CHAF1A: variants seen among roughly 807,000 people sequenced by gnomAD.
CHAF1A encodes the protein CAF-1 subunit A.
Under a neutral mutation model 93.2 loss-of-function variants are expected in CHAF1A, and 5 were observed. That is an observed-to-expected ratio of 0.05 (90% CI 0.03 to 0.11). The LOEUF is 0.11. CHAF1A is among the 10% of genes least tolerant of loss of function. CHAF1A has a pLI of 1.00. For missense variants in CHAF1A, 1,102 were observed against 1,259.9 expected (o/e 0.87, Z 1.90); for synonymous variants, 504 against 510.3 (o/e 0.99, Z 0.17).
intron 13 of CHAF1A, among the ~76,000 whole-genome samples, chr19:4,436,551 C>T (rs570693367): frequency 4.6e-4 from 70 of 152,280 alleles, no homozygotes; most frequent in African/African-American, 1.5e-3. Flanking sequence ...TAGAGGGAAC[C>T]GGAGCTCCCC....
chr19:4,413,857 GT>G (rs1973851927), intron 3 of CHAF1A, among the ~76,000 whole-genome samples: 2 of 152,128 alleles, frequency 1.3e-5, no homozygotes, highest in Admixed American at 1.3e-4. Context: ...TACTCCCAGG[GT>G]CCTTTGAATA....
chr19:4,445,359 C>A (rs1261044217), downstream of CHAF1A: 10 of 1,429,816 alleles, frequency 7.0e-6, no homozygotes, highest in African/African-American at 1.4e-5. Context: ...TCCACAGCTC[C>A]ACGGCTGGCG....
In CHAF1A at chr19:4,429,430, C is replaced by T; in HGVS notation, c.1605-8C>T. The T allele has an allele frequency of 6.2e-7, 1 of 1,612,722 alleles. No homozygotes were observed. Among genetic ancestry groups the T allele is most frequent in the Non-Finnish European group, 8.5e-7 (1 of 1,179,464 alleles). On this transcript the variant is annotated splice_polypyrimidine_tract_variant and splice_region_variant and intron_variant, in intron 8 of 14. Transcript: ENST00000301280. ...GCGTGATCCTGAGCCTGGGGTTTTC[C>T]TTCTCAGTGATGTCGTCATCGTGGA...
In CHAF1A at chr19:4,442,959, T is replaced by C. The variant is rs1568185427; in HGVS notation, c.2805T>C (p.Ala935=). ...VQAPCGAASG[A]GGGVGVDTGK... ...CCCCGTGTGGAGCCGCTTCCGGAGC[T>C]GGGGGTGGTGTGGGGGTGGACACCG... The change falls in exon 15 of 15, where the codon GCT becomes GCC. Residue 935 remains alanine (A), a synonymous_variant. Transcript: ENST00000301280. 12 of 1,604,544 alleles carry C rather than the reference T, an allele frequency of 7.5e-6. No individual in the cohort carries two copies. Among genetic ancestry groups the C allele is most frequent in the Non-Finnish European group, 1.0e-5 (12 of 1,176,316 alleles).
chr19:4,412,022 T>G (rs767742309), intron 3 of CHAF1A, among the ~76,000 whole-genome samples: 4 of 152,144 alleles, frequency 2.6e-5, no homozygotes, highest in Non-Finnish European at 5.9e-5. Context: ...TACAGATTAT[T>G]TTATCACTCA....
intron 1 of CHAF1A, among the ~76,000 whole-genome samples, chr19:4,405,624 ATT>A (rs900321444): frequency 2.8e-5 from 4 of 144,260 alleles, no homozygotes; most frequent in Middle Eastern, 3.5e-3. Context: ...AAAAAAAAAA[ATT>A]TTTTTTTTTT....
chr19:4,412,324 C>T (rs1048374938), intron 3 of CHAF1A, among the ~76,000 whole-genome samples: 4 of 152,174 alleles, frequency 2.6e-5, no homozygotes, highest in Non-Finnish European at 4.4e-5. Context: ...GGGTGGATCA[C>T]CTAAGGTCGA....
At chr19:4,448,456 C>T (rs575685119), downstream of CHAF1A, 40 of 1,518,410 alleles carry the variant, frequency 2.6e-5, no homozygotes, top group South Asian at 1.8e-4. Flanking sequence ...ACTGAGAGCC[C>T]GGGCCGCACG....
chr19:4,428,234 C>T (rs994738774), intron 7 of CHAF1A, among the ~76,000 whole-genome samples: 2 of 151,524 alleles, frequency 1.3e-5, no homozygotes, highest in African/African-American at 2.4e-5. Context: ...TCAGGTGATC[C>T]GCCCTCCTCA....
In CHAF1A at chr19:4,417,925, T is replaced by C. The variant is rs1276102854; in HGVS notation, c.961-95T>C. 8.7e-6 allele frequency: 7 copies of C among 801,806 alleles called. No homozygotes were observed. The Admixed American group carries it at 1.2e-4, about 14-fold the overall frequency. The allele number at this position is 801,806 out of a possible 1,614,324, so 49.7% of individuals were successfully genotyped here. ...TGACCCTATTATGACATTTTGGTTC[T>C]GTTGGTGGAAAAACTGATCACCTGG... is the stretch of plus-strand genomic sequence containing the variant. On this transcript the variant is annotated intron_variant, in intron 3 of 14. Coordinates refer to ENST00000301280, the MANE Select transcript of CHAF1A (RefSeq NM_005483.3).
chr19:4,434,502 T>C (rs1392488979), intron 13 of CHAF1A, among the ~76,000 whole-genome samples: 1 of 152,162 alleles, frequency 6.6e-6, no homozygotes, highest in South Asian at 2.1e-4. Flanking sequence ...GAAAGGCCCC[T>C]GTGCTCTGCC....
chr19:4,408,693 T>G (rs1004183116), intron 2 of CHAF1A, among the ~76,000 whole-genome samples: 2 of 151,640 alleles, frequency 1.3e-5, no homozygotes, highest in African/African-American at 2.4e-5. Flanking sequence ...CTGGCTGGTC[T>G]CAAACTCCTG....
chr19:4,438,349 A>G (rs903847340), intron 13 of CHAF1A, among the ~76,000 whole-genome samples: 1 of 134,736 alleles, frequency 7.4e-6, no homozygotes, highest in Admixed American at 7.1e-5. Flanking sequence ...ATGCAAGAAG[A>G]GGTTTTTTTG....
intron 12 of CHAF1A, 72 bp downstream of exon 12, chr19:4,432,279 C>T (rs898979658): frequency 3.0e-5 from 45 of 1,494,168 alleles, no homozygotes; most frequent in Middle Eastern, 2.5e-4. Context: ...GGGCAAGAGT[C>T]ACAGGCTAGT....
chr19:4,423,265 A>C, intron 5 of CHAF1A, 70 bp from the exon 6 acceptor site: 1 of 1,597,178 alleles, frequency 6.3e-7, no homozygotes, highest in Admixed American at 1.8e-5. Flanking sequence ...ATATACTAAC[A>C]GTTGAGTGCT....
chr19:4,415,876 TAAAG>T (rs945407903), intron 3 of CHAF1A, among the ~76,000 whole-genome samples: 1 of 152,046 alleles, frequency 6.6e-6, no homozygotes, highest in African/African-American at 2.4e-5. Context: ...CTTTCCCAGA[TAAAG>T]AAATCACTGT....
intron 10 of CHAF1A, 77 bp downstream of exon 10, chr19:4,429,865 A>ATG: frequency 7.7e-7 from 1 of 1,299,694 alleles, no homozygotes; most frequent in Non-Finnish European, 1.1e-6. Flanking sequence ...GGGGCTAAGG[A>ATG]TGCAGCCCAG....
intron 13 of CHAF1A, among the ~76,000 whole-genome samples, chr19:4,439,275 C>T (rs1012551946): frequency 2.7e-5 from 4 of 150,260 alleles, no homozygotes; most frequent in South Asian, 2.1e-4. Context: ...AGCAAGTCTG[C>T]GTCTCAGAAA....
At chr19:4,419,316 T>A (rs1262852939) in intron 4 of CHAF1A, among the ~76,000 whole-genome samples, 1 of 152,182 alleles carries the variant, frequency 6.6e-6, no homozygotes, top group Non-Finnish European at 1.5e-5. Context: ...CTGGTGACCA[T>A]GGGCTCTGCG....
Sources: allele counts gnomAD v4.1 joint callset (sites outside exome capture counted in the v4.1 genomes callset), GRCh38; gene constraint gnomAD v4.1.1; transcripts MANE v1.5; gene names NCBI Gene and HGNC (gene_info 2026-07-23, HGNC 2026-07-21).